Variants in IGSF9B observed in about 807,000 individuals in gnomAD.
The protein encoded by IGSF9B is immunoglobulin superfamily member 9B, also known as protein turtle homolog B.
In IGSF9B, 48 loss-of-function variants were observed where a neutral mutation model predicts 143.7. That is an observed-to-expected ratio of 0.33 (90% CI 0.26 to 0.42). The LOEUF (loss-of-function observed/expected upper bound fraction) is 0.42. IGSF9B is among the 20% of genes least tolerant of loss of function. The probability of loss-of-function intolerance (pLI) is 1.00; values close to 1 mark genes in which losing one functional copy is unlikely to be tolerated. For missense variants in IGSF9B, 1,706 were observed against 1,980.0 expected (o/e 0.86, Z 2.63); for synonymous variants, 903 against 833.1 (o/e 1.08, Z -1.44).
At chr11:133,922,115 C>A in intron 17 of IGSF9B, 62 bp downstream of exon 17, 4 of 1,381,278 alleles carry the variant, frequency 2.9e-6, no homozygotes, top group South Asian at 1.2e-5. Flanking sequence ...GTAAGGCGAG[C>A]GGTCTACCTA....
At chr11:133,927,130 G>A (rs921829842) in intron 12 of IGSF9B, 39 bp from the exon 13 acceptor site, 24 of 1,499,556 alleles carry the variant, frequency 1.6e-5, no homozygotes, top group East Asian at 1.5e-4. Flanking sequence ...GACGAGGGGC[G>A]GGGTGGGTCA....
chr11:133,923,478 C>G (rs373877261), intron 15 of IGSF9B, among the ~76,000 whole-genome samples: 2 of 152,230 alleles, frequency 1.3e-5, no homozygotes, highest in African/African-American at 4.8e-5. Context: ...CTGCCCAAGT[C>G]TACAGAGCTC....
Position 133,908,938 on chromosome 11 carries a change from C to T in IGSF9B, c.*131G>A. The T allele has an allele frequency of 1.3e-6, 1 of 772,744 alleles. No homozygotes were observed. The highest frequency in any genetic ancestry group is 2.1e-6 in the Non-Finnish European group (1 of 486,588). The allele number at this position is 772,744 out of a possible 1,614,324, so 47.9% of individuals were successfully genotyped here. ...ATCTGGAGGGAGACACCCGCTCTGGCAAAAGAGGGGGCATGCAGGACAAAG... is the reference window on the plus strand; with the variant it reads ...ATCTGGAGGGAGACACCCGCTCTGGTAAAAGAGGGGGCATGCAGGACAAAG... On this transcript the variant is annotated 3_prime_UTR_variant, in exon 20 of 20. Transcript: ENST00000533871.
intron 7 of IGSF9B, among the ~76,000 whole-genome samples, chr11:133,933,064 C>A (rs1451260985): frequency 6.6e-6 from 1 of 152,122 alleles, no homozygotes; most frequent in African/African-American, 2.4e-5. Flanking sequence ...AGAATCCAGG[C>A]CGGAGGCAGC....
At position 133,913,200 on chromosome 11, in the gene IGSF9B, A is replaced by T. The variant is rs1565415249; in HGVS notation, c.3984-1193T>A. Among the ~76,000 whole-genome samples the T allele has an allele frequency of 6.6e-6, 1 of 151,604 alleles. No individual in the cohort carries two copies. Among genetic ancestry groups the T allele is most frequent in the Non-Finnish European group, 1.5e-5 (1 of 67,938 alleles). The stretch of plus-strand genomic sequence containing the variant: ...GCGTGCCTCGCTCTTCTTCTCCTGG[A>T]CCCCCCAACTCCCTCCCCTATCTCC... On this transcript the variant is annotated intron_variant, in intron 18 of 19. Transcript: ENST00000533871. The surrounding 1 kb of genome is among the most constrained non-coding windows in gnomAD (Gnocchi z 4.6).
intron 3 of IGSF9B, 58 bp from the exon 4 acceptor site, chr11:133,938,019 A>G: frequency 1.3e-6 from 2 of 1,568,930 alleles, no homozygotes; most frequent in South Asian, 1.1e-5. Context: ...CTGCCCTGCA[A>G]CAACAGTACC....
Position 133,901,134 on chromosome 11 carries a change from G to C in IGSF9B, c.*7935C>G, listed in dbSNP as rs536640532. ...TGGTCCTGGTTCTTTAGGGCTATCA[G>C]ATCCTGCAGCTCCACACAACCTTCA... is the stretch of plus-strand genomic sequence containing the variant. On this transcript the variant is annotated 3_prime_UTR_variant, in exon 20 of 20. Transcript: ENST00000533871. The C allele has an allele frequency of 6.6e-6, 1 of 152,376 alleles. No homozygotes were observed. The highest frequency in any genetic ancestry group is 1.5e-5 in the Non-Finnish European group (1 of 68,044). 9.4% of individuals were successfully genotyped at this position (152,376 alleles called of 1,614,324 possible).
Position 133,926,907 on chromosome 11 carries a change from G to C in IGSF9B, c.1807+9C>G. 1 of 1,569,382 alleles carries C rather than the reference G, an allele frequency of 6.4e-7. No individual in the cohort carries two copies. Among genetic ancestry groups the C allele is most frequent in the Non-Finnish European group, 8.7e-7 (1 of 1,152,734 alleles). ...CCCCCGCTCCCAACATCCCACCCCG[G>C]GCCCTCACCTAAAGTGTTCACAGTG... On this transcript the variant is annotated intron_variant, in intron 13 of 19. Coordinates refer to ENST00000533871, the MANE Select transcript of IGSF9B (RefSeq NM_001277285.4).
chr11:133,932,033 G>A (rs755386957), intron 8 of IGSF9B, 38 bp downstream of exon 8: 3 of 1,587,976 alleles, frequency 1.9e-6, no homozygotes, highest in African/African-American at 1.3e-5. Context: ...ACTGGGGGGA[G>A]CCCTCACTCC....
Position 133,925,811 on chromosome 11 carries a change from T to C in IGSF9B, c.1962A>G (p.Ala654=), listed in dbSNP as rs1190349980. 1.2e-6 allele frequency: 2 copies of C among 1,613,918 alleles called. No homozygotes were observed. Among genetic ancestry groups the C allele is most frequent in the Non-Finnish European group, 8.5e-7 (1 of 1,179,892 alleles). ...IDRYIMEFRV[A]ERWELLDDGI... is the part of the protein sequence containing the mutation. ...CATCGTCGAGCAACTCCCAGCGCTC[T>C]GCGACACGGAACTCCATGATGTAGC... Residue 654 remains alanine (A), a synonymous_variant, in exon 14 of 20, where the codon GCA becomes GCG. Transcript: ENST00000533871.
chr11:133,919,689 G>T, intron 18 of IGSF9B, 53 bp downstream of exon 18: 1 of 1,168,218 alleles, frequency 8.6e-7, no homozygotes, highest in Non-Finnish European at 1.1e-6. Context: ...GGCGAGGCGG[G>T]TGGGGGAAGG....
rs527558428 is a variant in IGSF9B at position 133,905,929 on chromosome 11, C to A, written c.*3140G>T. On this transcript the variant is annotated 3_prime_UTR_variant, in exon 20 of 20. Coordinates refer to ENST00000533871, the MANE Select transcript of IGSF9B (RefSeq NM_001277285.4). This position sits in a 1 kb window ranked among gnomAD's most constrained non-coding sequence, Gnocchi z 4.0. ...CACGCAAATGCAGTTGTCCAGGCCC[C>A]GCTAAGAACCGTTTTCCCCTCTTCC... 5.9e-5 allele frequency among the ~76,000 whole-genome samples: 9 copies of A among 152,372 alleles called. No homozygotes were observed. The South Asian group carries it at 1.9e-3, about 32-fold the overall frequency.
rs1296177308 is a variant in IGSF9B, at chr11:133,903,133, T to G, written c.*5936A>C. 6.6e-6 allele frequency among the ~76,000 whole-genome samples: 1 copy of G among 151,874 alleles called. No individual in the cohort carries two copies. Among genetic ancestry groups the G allele is most frequent in the African/African-American group, 2.4e-5 (1 of 41,340 alleles). ...AAAGGAAAAGGGAAGGGAAGCTAAC[T>G]GGTGTGTATACGGGGTGGCGAGGGA... On this transcript the variant is annotated 3_prime_UTR_variant, in exon 20 of 20. Coordinates refer to ENST00000533871, the MANE Select transcript of IGSF9B (RefSeq NM_001277285.4).
At position 133,909,185 on chromosome 11, in the gene IGSF9B, G is replaced by A. The variant is rs1330021741; in HGVS notation, c.4198C>T (p.Arg1400Cys). ...GAGAGCCGGGCAAAGGGGTCAGGACGAGAATGTCTCTTCTTCTTTCGGAGG... is the reference window on the plus strand; with the variant it reads ...GAGAGCCGGGCAAAGGGGTCAGGACAAGAATGTCTCTTCTTCTTTCGGAGG... ...VCLRKKKRHS[R>C]PDPFARLSDL... Residue 1400 changes from arginine to cysteine, a missense_variant, in exon 20 of 20, where the codon CGT becomes TGT. Transcript: ENST00000533871. This position sits in a 1 kb window ranked among gnomAD's most constrained non-coding sequence, Gnocchi z 4.2. 4.6e-6 allele frequency: 7 copies of A among 1,535,800 alleles called. No homozygotes were observed. Among genetic ancestry groups the A allele is most frequent in the Non-Finnish European group, 6.1e-6 (7 of 1,146,740 alleles).
In IGSF9B at chr11:133,939,835, G is replaced by A. The variant is rs565544368; in HGVS notation, c.410-1874C>T. 6.6e-5 allele frequency among the ~76,000 whole-genome samples: 10 copies of A among 151,150 alleles called. No individual in the cohort carries two copies. The East Asian group carries it at 1.6e-3, about 24-fold the overall frequency. ...AGAAACATACACCTTGCATGTCCTC[G>A]CACGCGTCATCACACGCACAAACAC... On this transcript the variant is annotated intron_variant, in intron 3 of 19. Transcript: ENST00000533871.
At chr11:133,939,233 T>C (rs966502860) in intron 3 of IGSF9B, among the ~76,000 whole-genome samples, 1 of 152,216 alleles carries the variant, frequency 6.6e-6, no homozygotes, top group Non-Finnish European at 1.5e-5. Context: ...GCTCACTCCT[T>C]TGGGTTATGC....
At position 133,903,033 on chromosome 11, in the gene IGSF9B, C is replaced by A. The variant is rs144584914; in HGVS notation, c.*6036G>T. Reference sequence around the variant, plus strand: ...GCCCAACCCCCTGCCCTCCGAGATTCCCTGCCCCTCCCACCACCTCCCCAT... The same window carrying A: ...GCCCAACCCCCTGCCCTCCGAGATTACCTGCCCCTCCCACCACCTCCCCAT... On this transcript the variant is annotated 3_prime_UTR_variant, in exon 20 of 20. Transcript: ENST00000533871. Among the ~76,000 whole-genome samples, 8 of 150,450 alleles carry A rather than the reference C, an allele frequency of 5.3e-5. No individual in the cohort carries two copies. In the East Asian group the frequency reaches 8.1e-4, roughly 15 times the overall value.
intron 7 of IGSF9B, 119 bp from the exon 8 acceptor site, chr11:133,932,332 GCAGACAGACAGACAGACAGACACAGGGA>G (rs1450827966): frequency 2.2e-5 from 23 of 1,046,904 alleles, no homozygotes; most frequent in South Asian, 7.8e-5. Context: ...AGGTGGGAGA[GCAGACAGACAGACAGACAGACACAGGGA>G]CAGACAGACA....
Position 133,935,495 on chromosome 11 carries a change from G to A in IGSF9B, c.967+122C>T, listed in dbSNP as rs924111269. 5.3e-5 allele frequency: 60 copies of A among 1,137,330 alleles called. No individual in the cohort carries two copies. In the African/African-American group the frequency reaches 5.9e-4, roughly 11 times the overall value. 70.5% of individuals were successfully genotyped at this position (1,137,330 alleles called of 1,614,324 possible). A position where few individuals can be genotyped will look rare whatever the true frequency, so the allele number is the denominator to read the frequency against. ...GCCATCCCTCCTTCTTCTCTTATTC[G>A]CTCCTCCACCTACATGCCCCCAAAT... On this transcript the variant is annotated intron_variant, in intron 7 of 19. Coordinates refer to ENST00000533871, the MANE Select transcript of IGSF9B (RefSeq NM_001277285.4).
Sources: gnomAD v4.1 joint callset for allele counts (sites outside exome capture counted in the v4.1 genomes callset) on GRCh38, gnomAD v4.1.1 for gene constraint, Gnocchi (gnomAD v3.1) non-coding constraint, MANE v1.5 for transcripts, NCBI Gene and HGNC (gene_info 2026-07-23, HGNC 2026-07-21) for gene names.